The following ZPBP variants were observed in gnomAD, a reference collection of about 807,000 sequenced individuals.
ZPBP encodes the protein zona pellucida-binding protein 1.
In ZPBP, 26 loss-of-function variants were observed where a neutral mutation model predicts 44.8. The ratio of observed to expected loss-of-function variants is 0.58; its 90% CI spans 0.43 to 0.81. ZPBP has a LOEUF of 0.81. ZPBP is among the 30% of genes least tolerant of loss of function. The probability of loss-of-function intolerance (pLI) is 0.00; values close to 1 mark genes in which losing one functional copy is unlikely to be tolerated. For synonymous variants in ZPBP, 174 were observed against 153.2 expected (o/e 1.14, Z -1.00); for missense variants, 409 against 434.0 (o/e 0.94, Z 0.51).
downstream of ZPBP, among the ~76,000 whole-genome samples, chr7:49,934,938 G>A (rs1360864666): frequency 6.6e-6 from 1 of 152,212 alleles, no homozygotes; most frequent in African/African-American, 2.4e-5. Context: ...GCTAAAAAAT[G>A]TTTTGTGAAA....
intron 1 of ZPBP, chr7:49,920,430 G>A (rs1165891743): frequency 6.6e-6 from 1 of 152,126 alleles, no homozygotes; most frequent in African/African-American, 2.4e-5. Flanking sequence ...AGGAAAGGTG[G>A]ATATAAATAT....
rs183562717 is a variant in ZPBP, at chr7:49,983,283, T to C, written c.961+59A>G. Reference sequence around the variant, plus strand: ...TAAGTGATATGCATTCACTTAGGCTTAATGAAAACACATAAATTTTCAACA... The same window carrying C: ...TAAGTGATATGCATTCACTTAGGCTCAATGAAAACACATAAATTTTCAACA... On this transcript the variant is annotated intron_variant, in intron 7 of 7. Coordinates refer to ENST00000046087, the MANE Select transcript of ZPBP (RefSeq NM_007009.3). The C allele has an allele frequency of 4.1e-5, 62 of 1,507,298 alleles. No individual in the cohort carries two copies. The African/African-American group carries it at 7.8e-4, about 19-fold the overall frequency. The allele number at this position is 1,507,298 out of a possible 1,614,324, so 93.4% of individuals were successfully genotyped here. A position where few individuals can be genotyped will look rare whatever the true frequency, so the allele number is the denominator to read the frequency against.
chr7:50,088,444 T>C (rs1802783546), intron 2 of ZPBP, among the ~76,000 whole-genome samples: 1 of 152,002 alleles, frequency 6.6e-6, no homozygotes, highest in Non-Finnish European at 1.5e-5. Context: ...TATCAAAGTT[T>C]AAAACATATG....
chr7:49,848,395 G>A (rs1790042959), downstream of ZPBP, among the ~76,000 whole-genome samples: 1 of 152,218 alleles, frequency 6.6e-6, no homozygotes, highest in African/African-American at 2.4e-5. Context: ...CCTGCAGTGT[G>A]TGAGAGCCGG....
At chr7:50,010,257 T>C (rs749210316) in intron 6 of ZPBP, among the ~76,000 whole-genome samples, 1 of 151,530 alleles carries the variant, frequency 6.6e-6, no homozygotes, top group Non-Finnish European at 1.5e-5. Flanking sequence ...GTCAAGACCA[T>C]GTGATATTAG....
intron 4 of ZPBP, among the ~76,000 whole-genome samples, chr7:50,045,195 A>C (rs895820720): frequency 6.6e-6 from 1 of 152,224 alleles, no homozygotes; most frequent in African/African-American, 2.4e-5. Flanking sequence ...CCAATATCAT[A>C]ATAAATGGGC....
chr7:49,999,673 G>T (rs1798009149), intron 6 of ZPBP, among the ~76,000 whole-genome samples: 1 of 148,766 alleles, frequency 6.7e-6, no homozygotes, highest in Non-Finnish European at 1.5e-5. Flanking sequence ...GGAGAAGATG[G>T]ATGTTCCAGC....
intron 5 of ZPBP, among the ~76,000 whole-genome samples, chr7:50,029,071 TC>T (rs1425768942): frequency 6.6e-6 from 1 of 152,114 alleles, no homozygotes; most frequent in African/African-American, 2.4e-5. Flanking sequence ...CACTCTCACT[TC>T]TCAATTTCAA....
At chr7:49,923,384 A>G (rs1794105286) in intron 1 of ZPBP, among the ~76,000 whole-genome samples, 1 of 152,252 alleles carries the variant, frequency 6.6e-6, no homozygotes, top group African/African-American at 2.4e-5. Context: ...TTGGATAAGA[A>G]AAGGAATTCT....
rs1266716877 is a variant in ZPBP at position 49,967,488 on chromosome 7, T to C, written c.961+15854A>G. Among the ~76,000 whole-genome samples, 5 of 152,248 alleles carry C rather than the reference T, an allele frequency of 3.3e-5. 1 individual carries two copies. The highest frequency in any genetic ancestry group is 5.9e-5 in the Non-Finnish European group (4 of 68,012). On this transcript the variant is annotated intron_variant, in intron 7 of 7. Transcript: ENST00000046087. ...TGGGACTTTCTCGGGTGATAATATTTAGGTAAGCTTTTAGAGTTAATGCTG... is the reference window on the plus strand; with the variant it reads ...TGGGACTTTCTCGGGTGATAATATTCAGGTAAGCTTTTAGAGTTAATGCTG...
In ZPBP at chr7:49,977,354, CT is replaced by C. The variant is rs371261397; in HGVS notation, c.961+5987del. On this transcript the variant is annotated intron_variant, in intron 7 of 7. Transcript: ENST00000046087. The stretch of plus-strand genomic sequence containing the variant: ...TGTAGTGAAAACGACGCAAAGGAAA[CT>C]TTTTTTTGTCTCTGATCCTCTGATG... 4.2e-3 allele frequency among the ~76,000 whole-genome samples: 639 copies of C among 151,842 alleles called. 3 individuals are homozygous for C. Among genetic ancestry groups the C allele is most frequent in the African/African-American group, 0.015 (620 of 41,464 alleles).
At chr7:49,905,535 A>G (rs1041401245) in intron 1 of ZPBP, among the ~76,000 whole-genome samples, 3 of 152,250 alleles carry the variant, frequency 2.0e-5, no homozygotes, top group African/African-American at 7.2e-5. Context: ...CTTGATTTCT[A>G]TCATTTAAAA....
intron 7 of ZPBP, among the ~76,000 whole-genome samples, chr7:49,954,005 A>G (rs1795464528): frequency 6.6e-6 from 1 of 152,144 alleles, no homozygotes; most frequent in African/African-American, 2.4e-5. Context: ...GTCGAAAAAA[A>G]TCGAAAAAGG....
chr7:50,032,240 AG>A (rs1453165332), intron 4 of ZPBP, among the ~76,000 whole-genome samples: 1 of 152,184 alleles, frequency 6.6e-6, no homozygotes, highest in African/African-American at 2.4e-5. Flanking sequence ...CCATCAGCGT[AG>A]GTACACATTT....
chr7:49,994,308 T>G (rs765830940), intron 6 of ZPBP, among the ~76,000 whole-genome samples: 7 of 152,134 alleles, frequency 4.6e-5, no homozygotes, highest in Non-Finnish European at 7.4e-5. Context: ...AGGCCTGAGC[T>G]CTTCTTCTGT....
At chr7:50,006,535 A>G (rs1317447984) in intron 6 of ZPBP, among the ~76,000 whole-genome samples, 2 of 152,106 alleles carry the variant, frequency 1.3e-5, no homozygotes, top group Admixed American at 6.6e-5. Flanking sequence ...AGAAAGCACA[A>G]GGGAAATTTA....
intron 4 of ZPBP, among the ~76,000 whole-genome samples, chr7:50,042,692 T>G (rs1800153465): frequency 6.6e-6 from 1 of 152,158 alleles, no homozygotes; most frequent in Non-Finnish European, 1.5e-5. Context: ...AAGGAAAAAC[T>G]GTTACCAGCC....
intron 1 of ZPBP, chr7:49,916,028 TTACAG>T (rs1793703986): frequency 6.6e-6 from 1 of 152,218 alleles, no homozygotes; most frequent in Admixed American, 6.5e-5. Context: ...AAGTGCATTT[TTACAG>T]TACATATTTT....
chr7:50,024,155 A>C (rs1584065600), intron 5 of ZPBP, among the ~76,000 whole-genome samples: 1 of 152,064 alleles, frequency 6.6e-6, no homozygotes, highest in African/African-American at 2.4e-5. Context: ...AAGATGATAG[A>C]TAATGTAGTG....
Sources: allele counts gnomAD v4.1 joint callset (sites outside exome capture counted in the v4.1 genomes callset), GRCh38; gene constraint gnomAD v4.1.1; transcripts MANE v1.5; gene names NCBI Gene and HGNC (gene_info 2026-07-23, HGNC 2026-07-21).